The following ENTPD5 variants were observed in gnomAD, a reference collection of about 807,000 sequenced individuals.
The protein encoded by ENTPD5 is ectonucleoside triphosphate diphosphohydrolase 5 (inactive).
Under a neutral mutation model 60.2 loss-of-function variants are expected in ENTPD5, and 49 were observed. The ratio of observed to expected loss-of-function variants is 0.81; its 90% CI spans 0.65 to 1.03. The LOEUF (loss-of-function observed/expected upper bound fraction) is 1.03, where lower values mean the gene tolerates loss of function less well. Among genes scored for constraint, ENTPD5 ranks in the 50% least tolerant of loss-of-function variants. ENTPD5 has a pLI of 0.00. For missense variants in ENTPD5, 480 were observed against 507.6 expected (o/e 0.95, Z 0.52); for synonymous variants, 187 against 185.4 (o/e 1.01, Z -0.07).
chr14:73,992,294 G>C (rs2058166550), intron 3 of ENTPD5, among the ~76,000 whole-genome samples: 1 of 152,120 alleles, frequency 6.6e-6, no homozygotes, highest in Non-Finnish European at 1.5e-5. Flanking sequence ...TCGTATATTT[G>C]GAGTACAGAT....
intron 10 of ENTPD5, among the ~76,000 whole-genome samples, chr14:73,975,259 C>T (rs1053863579): frequency 2.0e-5 from 3 of 152,082 alleles, no homozygotes; most frequent in Non-Finnish European, 4.4e-5. Flanking sequence ...CCCAGAAAAG[C>T]TCTCTTTAGC....
intron 8 of ENTPD5, among the ~76,000 whole-genome samples, 181 bp downstream of exon 8, chr14:73,976,843 T>C (rs2057464907): frequency 6.6e-6 from 1 of 152,146 alleles, no homozygotes; most frequent in Non-Finnish European, 1.5e-5. Context: ...TGGCCTCAAG[T>C]GATCTGCCCA....
downstream of ENTPD5, chr14:73,958,439 C>T (rs1213464437): frequency 3.3e-6 from 5 of 1,493,056 alleles, 1 homozygote; most frequent in South Asian, 6.1e-5. Flanking sequence ...GAGATGGTCT[C>T]ATCGTAAATC....
chr14:73,963,183 G>A (rs1046283665), downstream of ENTPD5: 6 of 679,180 alleles, frequency 8.8e-6, no homozygotes, highest in Middle Eastern at 4.0e-4. Context: ...TGTGAGGAGC[G>A]TATATTAGCC....
intron 5 of ENTPD5, chr14:73,986,260 G>A (rs2057900752): frequency 6.6e-6 from 1 of 152,016 alleles, no homozygotes; most frequent in Admixed American, 6.6e-5. Context: ...ATTTCAACAT[G>A]GCCTCAGACA....
Position 73,977,365 on chromosome 14 carries a change from T to C in ENTPD5, c.451A>G (p.Ile151Val), listed in dbSNP as rs780771038. The change falls in exon 7 of 16, where the codon ATC (isoleucine) becomes GTC (valine). Residue 151 changes from isoleucine (I) to valine (V), a missense_variant. Transcript: ENST00000334696. ...ACCAGGAAAGGTGACTTCCTGAAGA[T>C]CTCCTTTACCTAGAGAAAAAGGAAA... Reference protein sequence around the residue: ...AKALLFEVKEIFRKSPFLVPK... With the variant: ...AKALLFEVKEVFRKSPFLVPK... 42 of 1,574,428 alleles carry C rather than the reference T, an allele frequency of 2.7e-5. No individual in the cohort carries two copies. The highest frequency in any genetic ancestry group is 3.5e-5 in the Non-Finnish European group (40 of 1,151,840).
chr14:73,972,487 C>A (rs1367468429), intron 13 of ENTPD5, among the ~76,000 whole-genome samples: 1 of 152,124 alleles, frequency 6.6e-6, no homozygotes, highest in African/African-American at 2.4e-5. Context: ...CATATACTTT[C>A]ACAGTTAGGC....
chr14:73,974,894 T>TC (rs760623106), intron 11 of ENTPD5, 30 bp downstream of exon 11: 566 of 1,550,832 alleles, frequency 3.6e-4, no homozygotes, highest in Non-Finnish European at 4.2e-4. Flanking sequence ...ACCCTCACCA[T>TC]CCCCCCCCAG....
intron 6 of ENTPD5, among the ~76,000 whole-genome samples, chr14:73,981,678 A>G (rs149407917): frequency 8.8e-4 from 133 of 151,422 alleles, no homozygotes; most frequent in African/African-American, 3.2e-3. Flanking sequence ...GTGGTGGCAC[A>G]TAACTGTAAT....
chr14:73,960,679 G>A (rs2056675339), downstream of ENTPD5: 2 of 785,222 alleles, frequency 2.5e-6, no homozygotes, highest in Admixed American at 9.8e-5. Flanking sequence ...AGTCAAGTAA[G>A]GAAGACCGTA....
At chr14:73,989,489 G>T (rs1178539589) in intron 3 of ENTPD5, among the ~76,000 whole-genome samples, 2 of 151,294 alleles carry the variant, frequency 1.3e-5, no homozygotes, top group Middle Eastern at 3.4e-3. Context: ...CCTGAGGTCA[G>T]GAGTTTGAGA....
chr14:74,003,614 T>C (rs2058576378), intron 3 of ENTPD5: 5 of 517,734 alleles, frequency 9.7e-6, no homozygotes, highest in South Asian at 5.0e-5. Context: ...CACCGCCCTC[T>C]GATCGCTGAT....
chr14:74,007,489 T>C (rs2058715761), intron 3 of ENTPD5, among the ~76,000 whole-genome samples: 1 of 151,438 alleles, frequency 6.6e-6, no homozygotes, highest in Non-Finnish European at 1.5e-5. Flanking sequence ...GCCACTGCAC[T>C]CCAGTCTAGG....
chr14:73,980,375 CT>C (rs770734917), intron 6 of ENTPD5, among the ~76,000 whole-genome samples: 3 of 151,758 alleles, frequency 2.0e-5, no homozygotes, highest in Non-Finnish European at 4.4e-5. Context: ...AGCAATTCTC[CT>C]GCCTTAGCCT....
downstream of ENTPD5, chr14:73,958,090 C>T (rs2056528083): frequency 1.4e-6 from 2 of 1,422,092 alleles, no homozygotes; most frequent in African/African-American, 1.4e-5. Flanking sequence ...ATGGCTTTTT[C>T]CTCAGCCTAT....
chr14:74,014,927 C>A (rs986047966), intron 2 of ENTPD5, among the ~76,000 whole-genome samples: 1 of 151,716 alleles, frequency 6.6e-6, no homozygotes, highest in Non-Finnish European at 1.5e-5. Context: ...TACTAAAATA[C>A]AAAAATTAGC....
chr14:73,974,177 C>A (rs534175636), intron 11 of ENTPD5, among the ~76,000 whole-genome samples, 199 bp from the exon 12 acceptor site: 1 of 152,080 alleles, frequency 6.6e-6, no homozygotes, highest in Non-Finnish European at 1.5e-5. Context: ...GTTGGTGAAC[C>A]CCCTGAAACC....
rs4140924 is a variant in ENTPD5, at chr14:73,965,727, A to G, written c.*1201T>C. The G allele has an allele frequency of 0.32, 47,959 of 152,082 alleles. 9,129 individuals carry two copies. The highest frequency in any genetic ancestry group is 0.42 in the Non-Finnish European group (28,528 of 68,004). 9.4% of individuals were successfully genotyped at this position (152,082 alleles called of 1,614,324 possible). On this transcript the variant is annotated 3_prime_UTR_variant, in exon 16 of 16. Transcript: ENST00000334696. ...CAGAGCAAGACTCCATCTCAAAAAA[A>G]AGTGCAAGATAATGAATTTGGGGTA...
intron 5 of ENTPD5, among the ~76,000 whole-genome samples, chr14:73,985,889 T>C (rs913070111): frequency 2.6e-5 from 4 of 152,042 alleles, no homozygotes; most frequent in South Asian, 2.1e-4. Flanking sequence ...CTGGCCATCA[T>C]AGTGAAACCC....
Sources: gnomAD v4.1 joint callset for allele counts (sites outside exome capture counted in the v4.1 genomes callset) on GRCh38, gnomAD v4.1.1 for gene constraint, MANE v1.5 for transcripts, NCBI Gene and HGNC (gene_info 2026-07-23, HGNC 2026-07-21) for gene names.